The following ZNF804B variants were observed in gnomAD, a reference collection of about 807,000 sequenced individuals.
ZNF804B encodes zinc finger 804B.
In ZNF804B, 80 loss-of-function variants were observed where a neutral mutation model predicts 101.4. That is an observed-to-expected ratio of 0.79 (90% confidence interval 0.66 to 0.95). The LOEUF (loss-of-function observed/expected upper bound fraction) is 0.95. ZNF804B is among the 40% of genes least tolerant of loss of function. ZNF804B has a pLI of 0.00. For synonymous variants in ZNF804B, 622 were observed against 558.8 expected (o/e 1.11, Z -1.59); for missense variants, 1,673 against 1,561.9 (o/e 1.07, Z -1.20).
At chr7:89,055,077 G>A (rs1470149297) in intron 1 of ZNF804B, among the ~76,000 whole-genome samples, 2 of 152,076 alleles carry the variant, frequency 1.3e-5, no homozygotes, top group Admixed American at 6.6e-5. Flanking sequence ...TGGGGTGAAA[G>A]TGATGTTAAG....
chr7:89,106,705 A>C (rs1047651473), intron 1 of ZNF804B, among the ~76,000 whole-genome samples: 3 of 152,168 alleles, frequency 2.0e-5, no homozygotes, highest in African/African-American at 7.2e-5. Context: ...CTAAGGTTTA[A>C]AACAGACTGG....
At chr7:88,910,252 T>C (rs766107254) in intron 1 of ZNF804B, among the ~76,000 whole-genome samples, 5 of 151,862 alleles carry the variant, frequency 3.3e-5, no homozygotes, top group Non-Finnish European at 7.4e-5. Context: ...TCACTAATAA[T>C]GTTCTCTGTT....
intron 3 of ZNF804B, 110 bp from the exon 4 acceptor site, chr7:89,333,253 A>G (rs1015546197): frequency 6.5e-5 from 69 of 1,056,008 alleles, no homozygotes; most frequent in Non-Finnish European, 8.7e-5. Context: ...TAGAAGATGT[A>G]GCTCATAAAA....
intron 2 of ZNF804B, among the ~76,000 whole-genome samples, chr7:89,312,730 A>C (rs1044130047): frequency 4.6e-5 from 7 of 152,020 alleles, no homozygotes; most frequent in Non-Finnish European, 1.0e-4. Context: ...GCTGTGATGC[A>C]TGCCTGTAGT....
intron 1 of ZNF804B, among the ~76,000 whole-genome samples, chr7:88,798,337 T>C (rs533134718): frequency 2.6e-4 from 39 of 152,230 alleles, no homozygotes; most frequent in South Asian, 1.2e-3. Flanking sequence ...ATAAACTCTA[T>C]AGAAAATCAA....
chr7:88,981,156 C>T (rs1051448814), intron 1 of ZNF804B, among the ~76,000 whole-genome samples: 6 of 152,012 alleles, frequency 3.9e-5, no homozygotes, highest in African/African-American at 7.2e-5. Flanking sequence ...AGGTTCACAG[C>T]GCATACTGCC....
chr7:89,198,210 C>T (rs976088848), intron 1 of ZNF804B, among the ~76,000 whole-genome samples: 1 of 151,850 alleles, frequency 6.6e-6, no homozygotes, highest in African/African-American at 2.4e-5. Context: ...AAATGCTACT[C>T]ACACATATGG....
chr7:88,866,762 A>T (rs1791732848), intron 1 of ZNF804B, among the ~76,000 whole-genome samples: 1 of 152,190 alleles, frequency 6.6e-6, no homozygotes, highest in South Asian at 2.1e-4. Flanking sequence ...GTTCTAATCT[A>T]CAAGGTTTAG....
At chr7:88,858,849 A>C (rs1325902519) in intron 1 of ZNF804B, among the ~76,000 whole-genome samples, 2 of 152,156 alleles carry the variant, frequency 1.3e-5, no homozygotes, top group Non-Finnish European at 2.9e-5. Flanking sequence ...TGTGAACTTG[A>C]TGCCAATATT....
chr7:89,025,854 G>A (rs1333732605), intron 1 of ZNF804B, among the ~76,000 whole-genome samples: 4 of 152,082 alleles, frequency 2.6e-5, no homozygotes, highest in Admixed American at 2.6e-4. Context: ...TTACTCTACT[G>A]AAATTACGAT....
intron 1 of ZNF804B, among the ~76,000 whole-genome samples, chr7:89,027,695 A>G (rs1788771066): frequency 6.6e-6 from 1 of 152,144 alleles, no homozygotes; most frequent in Non-Finnish European, 1.5e-5. Context: ...TCAATGTGAA[A>G]ACGAAGAAGG....
chr7:89,115,663 C>T (rs1790299573), intron 1 of ZNF804B, among the ~76,000 whole-genome samples: 1 of 152,182 alleles, frequency 6.6e-6, no homozygotes, highest in African/African-American at 2.4e-5. Flanking sequence ...TCTATGTATA[C>T]TTCACCTTGA....
chr7:89,142,424 T>C (rs10952951), intron 1 of ZNF804B, among the ~76,000 whole-genome samples: 79,277 of 151,756 alleles, frequency 0.52, 21,187 homozygotes, highest in East Asian at 0.64. Context: ...ACAAAATGCC[T>C]TGAACATTCC....
intron 2 of ZNF804B, among the ~76,000 whole-genome samples, chr7:89,252,003 A>C (rs1789548390): frequency 6.6e-6 from 1 of 152,172 alleles, no homozygotes; most frequent in Non-Finnish European, 1.5e-5. Context: ...CTTCAGAAAT[A>C]ATCTATGACT....
chr7:89,279,763 A>G (rs1269256700), intron 2 of ZNF804B, among the ~76,000 whole-genome samples: 1 of 151,852 alleles, frequency 6.6e-6, no homozygotes, highest in Non-Finnish European at 1.5e-5. Context: ...CCAGTATTTT[A>G]TTGAGGATTT....
At chr7:89,287,444 T>A (rs1247839413) in intron 2 of ZNF804B, among the ~76,000 whole-genome samples, 2 of 152,220 alleles carry the variant, frequency 1.3e-5, no homozygotes, top group Non-Finnish European at 2.9e-5. Flanking sequence ...GAAGTCATTT[T>A]CTGAAGGTTG....
chr7:89,323,109 AGGCCAT>A (rs1790844788), intron 2 of ZNF804B, among the ~76,000 whole-genome samples: 1 of 152,242 alleles, frequency 6.6e-6, no homozygotes, highest in Non-Finnish European at 1.5e-5. Flanking sequence ...TCTCTGGCCT[AGGCCAT>A]GTGAGGATAT....
intron 1 of ZNF804B, among the ~76,000 whole-genome samples, chr7:89,180,642 T>A (rs1788284311): frequency 6.6e-6 from 1 of 151,850 alleles, no homozygotes; most frequent in South Asian, 2.1e-4. Flanking sequence ...GTTATCCAAG[T>A]TGTATGACAA....
chr7:88,973,415 T>A (rs1217090651), intron 1 of ZNF804B, among the ~76,000 whole-genome samples: 2 of 151,162 alleles, frequency 1.3e-5, no homozygotes, highest in Non-Finnish European at 3.0e-5. Context: ...TTTCTGTAAA[T>A]CTCTCTCTCT....
Sources: allele counts gnomAD v4.1 joint callset (sites outside exome capture counted in the v4.1 genomes callset), GRCh38; gene constraint gnomAD v4.1.1; transcripts MANE v1.5; gene names NCBI Gene and HGNC (gene_info 2026-07-23, HGNC 2026-07-21).